Variants in PRKCA observed in about 807,000 individuals in gnomAD.
PRKCA encodes the protein protein kinase C alpha type.
PRKCA carries 27 observed loss-of-function variants against 87.0 expected under a neutral mutation model. That is an observed-to-expected ratio of 0.31 (90% CI 0.23 to 0.43). The LOEUF (loss-of-function observed/expected upper bound fraction) is 0.43, where lower values mean the gene tolerates loss of function less well. Among genes scored for constraint, PRKCA ranks in the 20% least tolerant of loss-of-function variants. The pLI is 1.00. For synonymous variants in PRKCA, 329 were observed against 311.1 expected (o/e 1.06, Z -0.61); for missense variants, 518 against 852.3 (o/e 0.61, Z 4.88).
At position 66,462,925 on chromosome 17, in the gene PRKCA, AACACACACACACACACACACAC is replaced by A. The variant is rs58085398; in HGVS notation, c.206-33256_206-33235del. Among the ~76,000 whole-genome samples, 50 of 147,652 alleles carry A rather than the reference AACACACACACACACACACACAC, an allele frequency of 3.4e-4. No homozygotes were observed. The South Asian group carries it at 8.8e-3, about 26-fold the overall frequency. ...ACACACATGCACGTGCACACATGCA[AACACACACACACACACACACAC>A]ACACACACACACACACACATTTATG... On this transcript the variant is annotated intron_variant, in intron 2 of 16. Transcript: ENST00000413366.
At chr17:66,643,792 C>T (rs968611805) in intron 4 of PRKCA, among the ~76,000 whole-genome samples, 2 of 152,302 alleles carry the variant, frequency 1.3e-5, no homozygotes, top group African/African-American at 2.4e-5. Context: ...TGCCCTTCCA[C>T]CTGGTGCAAT....
intron 2 of PRKCA, among the ~76,000 whole-genome samples, chr17:66,402,638 A>G (rs1911103708): frequency 6.6e-6 from 1 of 152,124 alleles, no homozygotes; most frequent in African/African-American, 2.4e-5. Context: ...CTGAGGTACA[A>G]GGATGTCAAG....
intron 2 of PRKCA, among the ~76,000 whole-genome samples, chr17:66,405,777 G>C (rs1050646147): frequency 1.3e-5 from 2 of 152,064 alleles, no homozygotes; most frequent in African/African-American, 4.8e-5. Flanking sequence ...GAAGGTTCTT[G>C]GCAGATGGCT....
chr17:66,750,282 C>G (rs1248824878), intron 13 of PRKCA, among the ~76,000 whole-genome samples: 1 of 152,088 alleles, frequency 6.6e-6, no homozygotes, highest in Non-Finnish European at 1.5e-5. Flanking sequence ...AATGATAAAC[C>G]AAAGGGCGGC....
chr17:66,512,457 A>AGT (rs71160573), intron 3 of PRKCA, among the ~76,000 whole-genome samples: 6,726 of 144,358 alleles, frequency 0.047, 335 homozygotes, highest in East Asian at 0.21. Context: ...CAACAAAAAA[A>AGT]GTGTGTGTGT....
At chr17:66,531,309 G>C (rs531081438) in intron 3 of PRKCA, among the ~76,000 whole-genome samples, 2 of 152,290 alleles carry the variant, frequency 1.3e-5, no homozygotes, top group African/African-American at 4.8e-5. Flanking sequence ...TCAGATCAGT[G>C]GTTCTTAGCC....
At chr17:66,506,006 T>G (rs1178126676) in intron 3 of PRKCA, among the ~76,000 whole-genome samples, 2 of 152,128 alleles carry the variant, frequency 1.3e-5, no homozygotes, top group Non-Finnish European at 2.9e-5. Context: ...AAAAATTATT[T>G]ACTTGGAGGC....
At position 66,793,424 on chromosome 17, in the gene PRKCA, T is replaced by C. The variant is rs369198913; in HGVS notation, c.1854+4445T>C. Among the ~76,000 whole-genome samples, 12 of 151,970 alleles carry C rather than the reference T, an allele frequency of 7.9e-5. No homozygotes were observed. In the South Asian group the frequency reaches 2.5e-3, roughly 32 times the overall value. On this transcript the variant is annotated intron_variant, in intron 16 of 16. Transcript: ENST00000413366. ...GGCCAACATGGTGAAACCCCATCTC[T>C]ACTAAAAATACAAAAATTAGCTGGG...
intron 3 of PRKCA, among the ~76,000 whole-genome samples, chr17:66,602,341 T>C (rs1970066920): frequency 7.1e-6 from 1 of 140,928 alleles, no homozygotes; most frequent in Non-Finnish European, 1.5e-5. Flanking sequence ...TCCAGGTGCG[T>C]CCGTCACCCC....
intron 13 of PRKCA, among the ~76,000 whole-genome samples, chr17:66,751,730 C>T (rs1974431262): frequency 6.6e-6 from 1 of 152,116 alleles, no homozygotes; most frequent in Non-Finnish European, 1.5e-5. Context: ...TATGCCCCTG[C>T]CACCCTCAGA....
chr17:66,355,493 G>T (rs117488476), intron 2 of PRKCA, among the ~76,000 whole-genome samples: 6 of 151,984 alleles, frequency 3.9e-5, no homozygotes, highest in Non-Finnish European at 5.9e-5. Flanking sequence ...CGGGTGCATG[G>T]GTGTGTGTTA....
intron 2 of PRKCA, among the ~76,000 whole-genome samples, chr17:66,481,581 T>A (rs1175965857): frequency 1.3e-5 from 2 of 152,146 alleles, no homozygotes; most frequent in Non-Finnish European, 2.9e-5. Context: ...TTTGGCCAAC[T>A]CCTCTTGTCA....
At chr17:66,314,493 C>T (rs570072909) in intron 2 of PRKCA, among the ~76,000 whole-genome samples, 25 of 152,064 alleles carry the variant, frequency 1.6e-4, no homozygotes, top group Non-Finnish European at 3.5e-4. Context: ...ATGGCCAGCA[C>T]GAGATAAGAA....
chr17:66,322,798 A>T (rs533102753), intron 2 of PRKCA, among the ~76,000 whole-genome samples: 2 of 152,072 alleles, frequency 1.3e-5, no homozygotes, highest in Non-Finnish European at 2.9e-5. Flanking sequence ...AGGGAGTAAC[A>T]TTGGATCATA....
intron 3 of PRKCA, among the ~76,000 whole-genome samples, chr17:66,570,529 G>C (rs1052518192): frequency 4.6e-5 from 7 of 152,310 alleles, no homozygotes; most frequent in Non-Finnish European, 1.0e-4. Flanking sequence ...GCTACTGTCT[G>C]TGATGCCTGC....
At chr17:66,783,325 G>T (rs1057173916) in intron 14 of PRKCA, among the ~76,000 whole-genome samples, 4 of 152,202 alleles carry the variant, frequency 2.6e-5, no homozygotes, top group African/African-American at 4.8e-5. Flanking sequence ...CAATTTAAAT[G>T]TTAAAGCAAA....
intron 8 of PRKCA, among the ~76,000 whole-genome samples, chr17:66,727,013 C>T (rs933234824): frequency 1.3e-5 from 2 of 152,120 alleles, no homozygotes; most frequent in African/African-American, 2.4e-5. Context: ...CTTGAGCCAC[C>T]GTGCCTGGCT....
chr17:66,526,313 C>G (rs1967346090), intron 3 of PRKCA, among the ~76,000 whole-genome samples: 1 of 152,118 alleles, frequency 6.6e-6, no homozygotes, highest in African/African-American at 2.4e-5. Flanking sequence ...CTATGGTCAC[C>G]TAACAATCCA....
chr17:66,768,540 G>A (rs1052335176), intron 13 of PRKCA, among the ~76,000 whole-genome samples: 3 of 152,146 alleles, frequency 2.0e-5, no homozygotes, highest in East Asian at 1.9e-4. Flanking sequence ...GGTAATTTCC[G>A]AAGTAAAGAA....
Sources: gnomAD v4.1 joint callset for allele counts (sites outside exome capture counted in the v4.1 genomes callset) on GRCh38, gnomAD v4.1.1 for gene constraint, MANE v1.5 for transcripts, NCBI Gene and HGNC (gene_info 2026-07-23, HGNC 2026-07-21) for gene names.